Variants in SLC16A12 observed in about 807,000 individuals in gnomAD.
SLC16A12 encodes the protein solute carrier family 16 member 12.
A neutral mutation model predicts 42.4 loss-of-function variants in SLC16A12; 17 were observed. The ratio of observed to expected loss-of-function variants is 0.40; its 90% CI spans 0.27 to 0.60. The LOEUF (loss-of-function observed/expected upper bound fraction) is 0.60. Ranked by LOEUF, SLC16A12 falls within the 20% of genes least tolerant of loss-of-function variation. The probability of loss-of-function intolerance (pLI) is 0.42; values close to 1 mark genes in which losing one functional copy is unlikely to be tolerated. For missense variants in SLC16A12, 544 were observed against 623.0 expected (o/e 0.87, Z 1.35); for synonymous variants, 224 against 229.4 (o/e 0.98, Z 0.21).
At chr10:89,508,077 C>T (rs991146949) in intron 2 of SLC16A12, among the ~76,000 whole-genome samples, 1 of 152,112 alleles carries the variant, frequency 6.6e-6, no homozygotes, top group Non-Finnish European at 1.5e-5. Flanking sequence ...ATTCATAAAG[C>T]AAGTATTTAG....
chr10:89,552,445 G>A (rs1391119661), intron 2 of SLC16A12, among the ~76,000 whole-genome samples: 1 of 152,180 alleles, frequency 6.6e-6, no homozygotes, highest in Non-Finnish European at 1.5e-5. Flanking sequence ...AGAATCTAGG[G>A]TGGTAGCACT....
At chr10:89,496,579 C>G (rs1244924854) in intron 2 of SLC16A12, among the ~76,000 whole-genome samples, 1 of 152,154 alleles carries the variant, frequency 6.6e-6, no homozygotes, top group African/African-American at 2.4e-5. Context: ...AATGAAATTA[C>G]TGAAAAAACT....
At chr10:89,481,856 A>G (rs965302886) in intron 2 of SLC16A12, among the ~76,000 whole-genome samples, 3 of 152,280 alleles carry the variant, frequency 2.0e-5, no homozygotes, top group Admixed American at 2.0e-4. Context: ...ATGAGAATGC[A>G]ATGTTCTTTC....
Position 89,436,804 on chromosome 10 carries a change from G to GAGGAAGGA in SLC16A12, c.1029-493_1029-486dup, listed in dbSNP as rs72103752. Among the ~76,000 whole-genome samples, 869 of 131,436 alleles carry GAGGAAGGA rather than the reference G, an allele frequency of 6.6e-3. 17 individuals are homozygous for GAGGAAGGA. The highest frequency in any genetic ancestry group is 0.024 in the African/African-American group (719 of 29,800). 86.2% of individuals were successfully genotyped at this position (131,436 alleles called of 152,430 possible). A position where few individuals can be genotyped will look rare whatever the true frequency, so the allele number is the denominator to read the frequency against. ...AAAAAAGAAAGAAAGGAAAGGAAAG[G>GAGGAAGGA]AGGAAGGAAGGAAGGAAGGAAGGAA... On this transcript the variant is annotated intron_variant, in intron 6 of 7. Coordinates refer to ENST00000371790, the MANE Select transcript of SLC16A12 (RefSeq NM_213606.4).
chr10:89,467,024 T>C (rs977139421), intron 2 of SLC16A12, among the ~76,000 whole-genome samples: 15 of 152,156 alleles, frequency 9.9e-5, no homozygotes, highest in African/African-American at 3.4e-4. Context: ...AACTCACCAA[T>C]TGGACACAAT....
chr10:89,500,637 G>C (rs574078038), intron 2 of SLC16A12, among the ~76,000 whole-genome samples: 2 of 152,060 alleles, frequency 1.3e-5, no homozygotes, highest in South Asian at 4.2e-4. Context: ...GGCATACAAG[G>C]GACATTCCTC....
At chr10:89,466,231 G>A (rs1842396024) in intron 2 of SLC16A12, among the ~76,000 whole-genome samples, 1 of 152,142 alleles carries the variant, frequency 6.6e-6, no homozygotes, top group African/African-American at 2.4e-5. Context: ...GATATTATTT[G>A]CCATGTGATT....
chr10:89,500,508 A>C (rs1405829359), intron 2 of SLC16A12, among the ~76,000 whole-genome samples: 2 of 152,196 alleles, frequency 1.3e-5, no homozygotes, highest in Non-Finnish European at 2.9e-5. Flanking sequence ...AAGCCAATAA[A>C]TGTGATACAC....
At chr10:89,555,686 C>CATATATATACAGATATGTATATAT (rs1843810901) in intron 2 of SLC16A12, among the ~76,000 whole-genome samples, 2 of 111,272 alleles carry the variant, frequency 1.8e-5, no homozygotes, top group African/African-American at 7.0e-5. Context: ...TACGTATATA[C>CATATATATACAGATATGTATATAT]ACACATATAT....
intron 2 of SLC16A12, among the ~76,000 whole-genome samples, chr10:89,480,800 G>GT (rs1450640158): frequency 1.3e-5 from 2 of 152,186 alleles, no homozygotes; most frequent in East Asian, 3.8e-4. Context: ...GTTAAATGGA[G>GT]TGAGGAAGAC....
intron 2 of SLC16A12, among the ~76,000 whole-genome samples, chr10:89,500,505 T>C (rs1003295096): frequency 6.6e-6 from 1 of 152,082 alleles, no homozygotes; most frequent in Non-Finnish European, 1.5e-5. Context: ...TGCAAGCCAA[T>C]AAATGTGATA....
chr10:89,485,963 T>C (rs1419946915), intron 2 of SLC16A12, among the ~76,000 whole-genome samples: 1 of 152,180 alleles, frequency 6.6e-6, no homozygotes, highest in Admixed American at 6.5e-5. Context: ...GAATATAAAC[T>C]TCCTTGGTAA....
At chr10:89,503,015 C>T (rs1843010483) in intron 2 of SLC16A12, among the ~76,000 whole-genome samples, 1 of 152,138 alleles carries the variant, frequency 6.6e-6, no homozygotes, top group South Asian at 2.1e-4. Flanking sequence ...GTAATAAGTA[C>T]CTTGTCAAAA....
At chr10:89,514,730 T>C (rs955016380) in intron 2 of SLC16A12, among the ~76,000 whole-genome samples, 1 of 152,218 alleles carries the variant, frequency 6.6e-6, no homozygotes, top group African/African-American at 2.4e-5. Flanking sequence ...GGCTTAAACA[T>C]AAATCTGGGT....
intron 2 of SLC16A12, among the ~76,000 whole-genome samples, chr10:89,525,124 G>A (rs1843427638): frequency 6.6e-6 from 1 of 151,688 alleles, no homozygotes; most frequent in African/African-American, 2.4e-5. Flanking sequence ...AGGAGGCTGA[G>A]GCAGGAGAAT....
At chr10:89,447,527 T>C (rs1284692878) in intron 3 of SLC16A12, among the ~76,000 whole-genome samples, 1 of 151,986 alleles carries the variant, frequency 6.6e-6, no homozygotes, top group Non-Finnish European at 1.5e-5. Context: ...TAACGAAATG[T>C]AGGCAGAAAT....
intron 7 of SLC16A12, among the ~76,000 whole-genome samples, chr10:89,435,010 C>A (rs1841755629): frequency 6.6e-6 from 1 of 152,228 alleles, no homozygotes; most frequent in South Asian, 2.1e-4. Flanking sequence ...ATGATAAACA[C>A]AATGCTAGTT....
chr10:89,470,302 C>T (rs1842472681), intron 2 of SLC16A12, among the ~76,000 whole-genome samples: 1 of 152,116 alleles, frequency 6.6e-6, no homozygotes, highest in Non-Finnish European at 1.5e-5. Context: ...ACTATGTTTC[C>T]CACTCCCTAA....
In SLC16A12 at chr10:89,430,498, G is replaced by A. The variant is rs1476734105; in HGVS notation, c.*2566C>T. 2.5e-6 allele frequency: 1 copy of A among 404,810 alleles called. No homozygotes were observed. The highest frequency in any genetic ancestry group is 4.8e-6 in the Non-Finnish European group (1 of 207,516). The allele number at this position is 404,810 out of a possible 1,614,324, so 25.1% of individuals were successfully genotyped here. A position where few individuals can be genotyped will look rare whatever the true frequency, so the allele number is the denominator to read the frequency against. On this transcript the variant is annotated 3_prime_UTR_variant, in exon 8 of 8. Transcript: ENST00000371790. ...AGTAGTAGAAAGAAATATTTAAGAT[G>A]TAAAATTATCCCACTATAATTTTGT...
Sources: gnomAD v4.1 joint callset for allele counts (sites outside exome capture counted in the v4.1 genomes callset) on GRCh38, gnomAD v4.1.1 for gene constraint, MANE v1.5 for transcripts, NCBI Gene and HGNC (gene_info 2026-07-23, HGNC 2026-07-21) for gene names.